The following AMOTL1 variants were observed in gnomAD, a reference collection of about 807,000 sequenced individuals.
AMOTL1 encodes the protein angiomotin-like protein 1.
Under a neutral mutation model 102.9 loss-of-function variants are expected in AMOTL1, and 45 were observed. The observed-to-expected ratio is 0.44, with a 90% CI of 0.34 to 0.56. The LOEUF is 0.56. Among genes scored for constraint, AMOTL1 ranks in the 20% least tolerant of loss-of-function variants. The pLI is 0.01. For missense variants in AMOTL1, 1,114 were observed against 1,225.6 expected (o/e 0.91, Z 1.36); for synonymous variants, 481 against 484.7 (o/e 0.99, Z 0.10).
chr11:94,773,117 CT>C (rs1475198808), intron 1 of AMOTL1, among the ~76,000 whole-genome samples: 2 of 152,120 alleles, frequency 1.3e-5, no homozygotes, highest in African/African-American at 2.4e-5. Context: ...GATGCAAGTC[CT>C]TAGTCAGATT....
At chr11:94,861,787 G>A (rs148995074) in intron 9 of AMOTL1, among the ~76,000 whole-genome samples, 6 of 152,288 alleles carry the variant, frequency 3.9e-5, no homozygotes, top group East Asian at 1.9e-4. Context: ...GGTTTATCAC[G>A]TTAGATGTCT....
intron 1 of AMOTL1, among the ~76,000 whole-genome samples, chr11:94,785,789 G>T (rs908507926): frequency 2.0e-5 from 3 of 152,200 alleles, no homozygotes; most frequent in Non-Finnish European, 4.4e-5. Context: ...GAGTGAGAGA[G>T]GGAGCTTTGC....
chr11:94,777,347 T>G (rs1041389741), intron 1 of AMOTL1, among the ~76,000 whole-genome samples: 1 of 152,210 alleles, frequency 6.6e-6, no homozygotes, highest in Non-Finnish European at 1.5e-5. Context: ...ATACCTTAGC[T>G]GACTTTTAGA....
chr11:94,730,286 T>G (rs567558669), intron 2 of AMOTL1, among the ~76,000 whole-genome samples: 1 of 152,312 alleles, frequency 6.6e-6, no homozygotes, highest in East Asian at 1.9e-4. Context: ...AGCCTCTTCC[T>G]GGATCCCTGA....
intron 1 of AMOTL1, among the ~76,000 whole-genome samples, chr11:94,768,941 G>T (rs575651162): frequency 2.6e-5 from 4 of 152,156 alleles, no homozygotes; most frequent in Admixed American, 6.5e-5. Flanking sequence ...GGGACGGAAG[G>T]GGGTGTCCGG....
At position 94,850,495 on chromosome 11, in the gene AMOTL1, G is replaced by A. The variant is rs541779904; in HGVS notation, c.1794+236G>A. On this transcript the variant is annotated intron_variant, in intron 7 of 12. Transcript: ENST00000433060. The stretch of plus-strand genomic sequence containing the variant: ...TCCCATCAGCAAAGCACTCACACTC[G>A]GTGTGAAGCCCAGCCTACAGCCCAT... 3.3e-5 allele frequency among the ~76,000 whole-genome samples: 5 copies of A among 152,326 alleles called. No individual in the cohort carries two copies. In the East Asian group the frequency reaches 7.7e-4, roughly 23 times the overall value.
chr11:94,768,425 A>C lies in AMOTL1; in HGVS notation c.-87A>C, dbSNP rs1164695773. 1 of 1,539,030 alleles carries C rather than the reference A, an allele frequency of 6.5e-7. No individual in the cohort carries two copies. Among genetic ancestry groups the C allele is most frequent in the Non-Finnish European group, 8.7e-7 (1 of 1,144,116 alleles). ...GGGCTGGAGGTGAAGCCCTGTGTGA[A>C]TGGGGTTGATTGTCCGGCGCCACTT... On this transcript the variant is annotated 5_prime_UTR_variant, in exon 1 of 13. It removes an upstream start codon present in the reference 5' UTR. Coordinates refer to ENST00000433060, the MANE Select transcript of AMOTL1 (RefSeq NM_130847.3).
At chr11:94,787,634 G>A (rs2135545097) in intron 1 of AMOTL1, among the ~76,000 whole-genome samples, 1 of 146,952 alleles carries the variant, frequency 6.8e-6, no homozygotes, top group Non-Finnish European at 1.5e-5. Flanking sequence ...CTTGCAGTGA[G>A]TCGAGATCGC....
chr11:94,724,264 A>G (rs1158362236), intron 1 of AMOTL1, among the ~76,000 whole-genome samples: 1 of 152,070 alleles, frequency 6.6e-6, no homozygotes, highest in Non-Finnish European at 1.5e-5. Flanking sequence ...AAGGCTGGAG[A>G]GCATCTCTCC....
intron 1 of AMOTL1, among the ~76,000 whole-genome samples, chr11:94,782,957 T>C (rs1951133752): frequency 6.6e-6 from 1 of 152,244 alleles, no homozygotes; most frequent in African/African-American, 2.4e-5. Flanking sequence ...ATTATTGATA[T>C]TTTTACATGA....
At chr11:94,815,351 CAAAA>C (rs550240864) in intron 3 of AMOTL1, among the ~76,000 whole-genome samples, 4 of 147,784 alleles carry the variant, frequency 2.7e-5, no homozygotes, top group African/African-American at 9.9e-5. Flanking sequence ...CAAAAACAAA[CAAAA>C]AAAAAATTTG....
chr11:94,710,162 A>G (rs1438466396), intron 1 of AMOTL1, among the ~76,000 whole-genome samples: 1 of 152,156 alleles, frequency 6.6e-6, no homozygotes, highest in Non-Finnish European at 1.5e-5. Context: ...AATCCTCCAC[A>G]TGGAATTTGT....
At position 94,807,465 on chromosome 11, in the gene AMOTL1, T is replaced by C. The variant is rs562849298; in HGVS notation, c.1121+7154T>C. ...TTTTCTAATTTTTCTATAATGTACA[T>C]GTATTATTTAGATAATAAAATTTTT... is the stretch of plus-strand genomic sequence containing the variant. On this transcript the variant is annotated intron_variant, in intron 3 of 12. Transcript: ENST00000433060. Among the ~76,000 whole-genome samples, 10 of 152,314 alleles carry C rather than the reference T, an allele frequency of 6.6e-5. No individual in the cohort carries two copies. The South Asian group carries it at 1.7e-3, about 25-fold the overall frequency.
At chr11:94,869,101 A>G (rs1287081592) in intron 11 of AMOTL1, 97 bp from the exon 12 acceptor site, 3 of 1,320,146 alleles carry the variant, frequency 2.3e-6, no homozygotes, top group Non-Finnish European at 3.0e-6. Context: ...GAATGAATGA[A>G]GCAATCATCA....
At chr11:94,827,925 G>A (rs1394988355) in intron 4 of AMOTL1, among the ~76,000 whole-genome samples, 1 of 152,152 alleles carries the variant, frequency 6.6e-6, no homozygotes, top group Admixed American at 6.5e-5. Context: ...CTCCTTTGGC[G>A]TGAATGCTTT....
intron 1 of AMOTL1, among the ~76,000 whole-genome samples, chr11:94,787,579 A>T (rs911445144): frequency 1.3e-5 from 2 of 150,820 alleles, no homozygotes; most frequent in Non-Finnish European, 3.0e-5. Flanking sequence ...TCCCAGCTAC[A>T]CGGGAGGCTG....
intron 3 of AMOTL1, among the ~76,000 whole-genome samples, chr11:94,807,464 A>G (rs906737132): frequency 2.0e-5 from 3 of 152,148 alleles, no homozygotes; most frequent in Non-Finnish European, 4.4e-5. Context: ...TATAATGTAC[A>G]TGTATTATTT....
chr11:94,839,306 A>ACTGTG (rs1379839778), intron 6 of AMOTL1, among the ~76,000 whole-genome samples: 1 of 152,236 alleles, frequency 6.6e-6, no homozygotes, highest in Non-Finnish European at 1.5e-5. Flanking sequence ...TTGAGCACTT[A>ACTGTG]CTGTGAGCCA....
chr11:94,768,253 G>A, upstream of AMOTL1: 1 of 1,205,030 alleles, frequency 8.3e-7, no homozygotes, highest in Non-Finnish European at 1.0e-6. Flanking sequence ...AGGGCCCAGC[G>A]GCCGGGCGCC....
Sources: gnomAD v4.1 joint callset for allele counts (sites outside exome capture counted in the v4.1 genomes callset) on GRCh38, gnomAD v4.1.1 for gene constraint, MANE v1.5 for transcripts, NCBI Gene and HGNC (gene_info 2026-07-23, HGNC 2026-07-21) for gene names.